The following VRK1 variants were observed in gnomAD, a reference collection of about 807,000 sequenced individuals.
The protein encoded by VRK1 is serine/threonine-protein kinase VRK1.
A neutral mutation model predicts 57.1 loss-of-function variants in VRK1; 33 were observed. The observed-to-expected ratio is 0.58, with a 90% CI of 0.44 to 0.77. The LOEUF (loss-of-function observed/expected upper bound fraction) is 0.77. VRK1 is among the 30% of genes least tolerant of loss of function. The probability of loss-of-function intolerance (pLI) is 0.00; values close to 1 mark genes in which losing one functional copy is unlikely to be tolerated. For missense variants in VRK1, 413 were observed against 477.3 expected, an observed-to-expected ratio of 0.87 and a Z score of 1.25; for synonymous variants, 137 against 147.8, an observed-to-expected ratio of 0.93 and a Z score of 0.53.
At chr14:96,879,596 C>T (rs922862419) in intron 12 of VRK1, among the ~76,000 whole-genome samples, 6 of 152,158 alleles carry the variant, frequency 3.9e-5, no homozygotes, top group African/African-American at 9.6e-5. Context: ...GTCTCACTAT[C>T]GCAGCATTTT....
chr14:96,809,569 T>TTG (rs1457131986), intron 1 of VRK1, among the ~76,000 whole-genome samples: 6,551 of 77,524 alleles, frequency 0.085, 583 homozygotes, highest in African/African-American at 0.26. Context: ...TTGCTTGCTT[T>TTG]CTTTTTTTTT....
chr14:96,816,406 G>A (rs1003698922), intron 1 of VRK1, among the ~76,000 whole-genome samples: 1 of 152,164 alleles, frequency 6.6e-6, no homozygotes, highest in African/African-American at 2.4e-5. Flanking sequence ...CCTTAGGTAA[G>A]ATTTATTGAG....
At chr14:96,829,078 A>G (rs1212367327) in intron 1 of VRK1, among the ~76,000 whole-genome samples, 1 of 152,238 alleles carries the variant, frequency 6.6e-6, no homozygotes, top group Non-Finnish European at 1.5e-5. Flanking sequence ...ACTCTGTTTA[A>G]TATACAACAT....
chr14:96,881,242 G>A lies in VRK1; in HGVS notation c.*34G>A. ...CTGTGAACCAGATTTCCTTTTCTTT[G>A]TTTTCTTTTGACTTTTTTCTCCTTT... On this transcript the variant is annotated 3_prime_UTR_variant, in exon 13 of 13. Coordinates refer to ENST00000216639, the MANE Select transcript of VRK1 (RefSeq NM_003384.3). 4 of 1,574,054 alleles carry A rather than the reference G, an allele frequency of 2.5e-6. No individual in the cohort carries two copies. The highest frequency in any genetic ancestry group is 3.5e-6 in the Non-Finnish European group (4 of 1,155,726).
Position 96,853,221 on chromosome 14 carries a change from A to T in VRK1, c.576+55A>T. The T allele has an allele frequency of 2.0e-6, 3 of 1,509,926 alleles. No individual in the cohort carries two copies. The South Asian group carries it at 3.4e-5, about 17-fold the overall frequency. The allele number at this position is 1,509,926 out of a possible 1,614,324, so 93.5% of individuals were successfully genotyped here. A position where few individuals can be genotyped will look rare whatever the true frequency, so the allele number is the denominator to read the frequency against. ...TAAAGCGTGTTGTTTGAAAATAAAT[A>T]TGGTTGCTTTGAACTTTTGAACCTG... is the stretch of plus-strand genomic sequence containing the variant. On this transcript the variant is annotated intron_variant, in intron 7 of 12. Coordinates refer to ENST00000216639, the MANE Select transcript of VRK1 (RefSeq NM_003384.3).
At chr14:96,835,938 G>A (rs545877710) in intron 2 of VRK1, among the ~76,000 whole-genome samples, 6 of 152,122 alleles carry the variant, frequency 3.9e-5, no homozygotes, top group South Asian at 4.1e-4. Context: ...CAGATAATAC[G>A]ATCATCCTGT....
At chr14:96,814,282 A>G (rs1436542898) in intron 1 of VRK1, among the ~76,000 whole-genome samples, 4 of 152,160 alleles carry the variant, frequency 2.6e-5, no homozygotes, top group Non-Finnish European at 4.4e-5. Flanking sequence ...TCTTCAAAAC[A>G]TGAAGGTATG....
chr14:96,798,284 A>G (rs1008407963), intron 1 of VRK1, among the ~76,000 whole-genome samples: 8 of 152,120 alleles, frequency 5.3e-5, no homozygotes, highest in African/African-American at 1.9e-4. Context: ...TTTTCCTACC[A>G]CCGAAATAGT....
Position 96,852,838 on chromosome 14 carries a change from T to C in VRK1, c.382T>C (p.Phe128Leu). 6.2e-7 allele frequency: 1 copy of C among 1,613,604 alleles called. No homozygotes were observed. The highest frequency in any genetic ancestry group is 8.5e-7 in the Non-Finnish European group (1 of 1,179,626). ...LHDKNGKSYR[F>L]MIMDRFGSDL... ...TTTCATATTTGTCTTCAGTTACAGGTTTATGATAATGGATCGCTTTGGGAG... is the reference window on the plus strand; with the variant it reads ...TTTCATATTTGTCTTCAGTTACAGGCTTATGATAATGGATCGCTTTGGGAG... The change falls in exon 6 of 13, where the codon TTT (phenylalanine) becomes CTT (leucine). Residue 128 changes from phenylalanine (F) to leucine (L), a missense_variant. This residue lies in a region of VRK1 where 151 missense variants were observed against 225.5 expected (regional missense o/e 0.67). Coordinates refer to ENST00000216639, the MANE Select transcript of VRK1 (RefSeq NM_003384.3).
At chr14:96,853,783 T>A (rs759824574) in intron 7 of VRK1, among the ~76,000 whole-genome samples, 1 of 152,138 alleles carries the variant, frequency 6.6e-6, no homozygotes, top group African/African-American at 2.4e-5. Flanking sequence ...CCTGTATAAC[T>A]GTTTCTGTGA....
intron 3 of VRK1, among the ~76,000 whole-genome samples, chr14:96,840,710 G>A (rs548383075): frequency 1.6e-4 from 25 of 152,278 alleles, no homozygotes; most frequent in African/African-American, 4.8e-4. Context: ...GTCTCATAAC[G>A]TTGAGGTTCA....
intron 1 of VRK1, among the ~76,000 whole-genome samples, chr14:96,815,869 A>G: frequency 6.6e-6 from 1 of 151,872 alleles, no homozygotes; most frequent in Non-Finnish European, 1.5e-5. Flanking sequence ...AGCCTGGGTG[A>G]CAGGGAGACC....
At position 96,853,170 on chromosome 14, in the gene VRK1, G is replaced by C. The variant is rs775057674; in HGVS notation, c.576+4G>C. On this transcript the variant is annotated splice_donor_region_variant and intron_variant, in intron 7 of 12. Transcript: ENST00000216639. Reference sequence around the variant, plus strand: ...GAACTACAAGAATCCTGACCAGGTAGTTTTATAACTTTAATTTCTACTATT... The same window carrying C: ...GAACTACAAGAATCCTGACCAGGTACTTTTATAACTTTAATTTCTACTATT... The C allele has an allele frequency of 6.2e-7, 1 of 1,611,494 alleles. No individual in the cohort carries two copies. Among genetic ancestry groups the C allele is most frequent in the Non-Finnish European group, 8.5e-7 (1 of 1,178,080 alleles).
At chr14:96,838,106 G>A (rs1887293743) in intron 3 of VRK1, among the ~76,000 whole-genome samples, 1 of 151,966 alleles carries the variant, frequency 6.6e-6, no homozygotes, top group Non-Finnish European at 1.5e-5. Flanking sequence ...AGAAATTTCA[G>A]CTACTTTTAT....
chr14:96,797,792 G>A (rs1469576418), intron 1 of VRK1, among the ~76,000 whole-genome samples: 1 of 152,236 alleles, frequency 6.6e-6, no homozygotes, highest in African/African-American at 2.4e-5. Flanking sequence ...CCGGGAAGCC[G>A]GTTCTGTCAG....
intron 5 of VRK1, among the ~76,000 whole-genome samples, chr14:96,847,657 C>T (rs1887765016): frequency 6.7e-6 from 1 of 149,908 alleles, no homozygotes; most frequent in Admixed American, 6.7e-5. Context: ...TCCTCCTTGC[C>T]TTTAGAAATA....
intron 3 of VRK1, among the ~76,000 whole-genome samples, chr14:96,845,734 ATATCT>A (rs764635392): frequency 2.6e-5 from 4 of 152,322 alleles, no homozygotes; most frequent in African/African-American, 7.2e-5. Flanking sequence ...AATCTGAGAA[ATATCT>A]TATAGCCCCT....
At chr14:96,815,136 T>A (rs1886343697) in intron 1 of VRK1, among the ~76,000 whole-genome samples, 3 of 152,342 alleles carry the variant, frequency 2.0e-5, no homozygotes, top group African/African-American at 7.2e-5. Context: ...CCAGTGCATT[T>A]TCTTATTTTT....
chr14:96,845,878 A>C (rs1319794411), intron 3 of VRK1, among the ~76,000 whole-genome samples: 1 of 152,196 alleles, frequency 6.6e-6, no homozygotes, highest in Non-Finnish European at 1.5e-5. Context: ...ATAATTTATC[A>C]CTTATAGAAA....
Sources: gnomAD v4.1 joint callset for allele counts (sites outside exome capture counted in the v4.1 genomes callset) on GRCh38, gnomAD v4.1.1 for gene constraint, gnomAD v4.1.1 regional missense constraint, MANE v1.5 for transcripts, NCBI Gene and HGNC (gene_info 2026-07-23, HGNC 2026-07-21) for gene names.